GRIK2: variants seen among roughly 807,000 people sequenced by gnomAD.
GRIK2 encodes glutamate receptor ionotropic, kainate 2.
GRIK2 carries 32 observed loss-of-function variants against 100.3 expected under a neutral mutation model. The ratio of observed to expected loss-of-function variants is 0.32; its 90% CI spans 0.24 to 0.43. The LOEUF (loss-of-function observed/expected upper bound fraction) is 0.43. Among genes scored for constraint, GRIK2 ranks in the 20% least tolerant of loss-of-function variants. GRIK2 has a pLI of 1.00. For synonymous variants in GRIK2, 417 were observed against 389.4 expected (o/e 1.07, Z -0.83); for missense variants, 843 against 1,114.9 (o/e 0.76, Z 3.47).
Position 102,069,397 on chromosome 6 carries a change from G to T in GRIK2, c.*886G>T, listed in dbSNP as rs1160782788. 1 of 151,294 alleles carries T rather than the reference G, an allele frequency of 6.6e-6. No individual in the cohort carries two copies. The highest frequency in any genetic ancestry group is 1.5e-5 in the Non-Finnish European group (1 of 67,826). 9.4% of individuals were successfully genotyped at this position (151,294 alleles called of 1,614,324 possible). ...GATAATGTTTTGCAATGTTCAAGTT[G>T]TAAAAACTGGCCGAGTATTGGCTGT... On this transcript the variant is annotated 3_prime_UTR_variant, in exon 17 of 17. Coordinates refer to ENST00000369134, the MANE Select transcript of GRIK2 (RefSeq NM_021956.5).
In GRIK2 at chr6:101,398,261, GT is replaced by G. The variant is rs574720577; in HGVS notation, c.-293-719del. 3.9e-5 allele frequency among the ~76,000 whole-genome samples: 6 copies of G among 152,254 alleles called. No individual in the cohort carries two copies. The East Asian group carries it at 1.2e-3, about 29-fold the overall frequency. On this transcript the variant is annotated intron_variant, in intron 1 of 16. Transcript: ENST00000369134. The stretch of plus-strand genomic sequence containing the variant: ...TTGCTGCACCCATTCAAACATCATT[GT>G]TTTTATATATGCACAATTATTTTCT...
At chr6:101,881,352 A>T (rs1379254303) in intron 11 of GRIK2, among the ~76,000 whole-genome samples, 2 of 151,934 alleles carry the variant, frequency 1.3e-5, no homozygotes, top group African/African-American at 4.8e-5. Context: ...AAAGATGCTA[A>T]TTACTTCAGA....
At chr6:101,567,747 T>C (rs1777346579) in intron 2 of GRIK2, among the ~76,000 whole-genome samples, 1 of 151,996 alleles carries the variant, frequency 6.6e-6, no homozygotes, top group African/African-American at 2.4e-5. Context: ...TGGAAGAGCA[T>C]GGTAGGTTCA....
chr6:101,630,993 C>T (rs1018689034), intron 4 of GRIK2, among the ~76,000 whole-genome samples: 8 of 151,960 alleles, frequency 5.3e-5, no homozygotes, highest in African/African-American at 1.9e-4. Context: ...TTCCCACCCC[C>T]AAAACAGATG....
rs115176122 is a variant in GRIK2 at position 101,675,282 on chromosome 6, C to T, written c.542-1341C>T. 7.7e-3 allele frequency among the ~76,000 whole-genome samples: 1,038 copies of T among 134,888 alleles called. 7 individuals carry two copies. The highest frequency in any genetic ancestry group is 0.025 in the African/African-American group (950 of 38,082). 88.5% of individuals were successfully genotyped at this position (134,888 alleles called of 152,430 possible). Reference sequence around the variant, plus strand: ...CAGACAGTACATGTACGCACACGCGCACGCACACGCAGACACACACACACC... The same window carrying T: ...CAGACAGTACATGTACGCACACGCGTACGCACACGCAGACACACACACACC... On this transcript the variant is annotated intron_variant, in intron 4 of 16. Transcript: ENST00000369134.
chr6:102,039,782 A>G (rs1770469664), intron 15 of GRIK2, among the ~76,000 whole-genome samples: 1 of 151,496 alleles, frequency 6.6e-6, no homozygotes, highest in Admixed American at 6.6e-5. Flanking sequence ...GCCAGTTGGT[A>G]TTATTTTGCT....
At chr6:101,977,238 A>ATGTTATGTTATGTTC (rs1412258194) in intron 14 of GRIK2, among the ~76,000 whole-genome samples, 3 of 78,706 alleles carry the variant, frequency 3.8e-5, no homozygotes, top group Non-Finnish European at 1.0e-4. Context: ...TGGCTATGTT[A>ATGTTATGTTATGTTC]TGTTATGTTA....
chr6:101,794,924 G>T (rs1312649057), intron 7 of GRIK2, among the ~76,000 whole-genome samples: 2 of 148,452 alleles, frequency 1.3e-5, no homozygotes, highest in African/African-American at 5.0e-5. Flanking sequence ...GGAATGCAGT[G>T]GCGCCATCTT....
chr6:101,894,304 C>G (rs1161110063), intron 12 of GRIK2, among the ~76,000 whole-genome samples: 1 of 151,444 alleles, frequency 6.6e-6, no homozygotes, highest in Admixed American at 6.6e-5. Flanking sequence ...TGGTTTTTGT[C>G]TCCATATAGT....
chr6:101,773,395 G>A (rs751041911), intron 7 of GRIK2, among the ~76,000 whole-genome samples: 1 of 150,400 alleles, frequency 6.6e-6, no homozygotes, highest in East Asian at 2.0e-4. Flanking sequence ...CAGGAGAATC[G>A]CTTGAACCCG....
At chr6:101,980,648 A>ATAATAT (rs147498727) in intron 14 of GRIK2, among the ~76,000 whole-genome samples, 1,587 of 151,954 alleles carry the variant, frequency 0.01, 28 homozygotes, top group African/African-American at 0.037. Flanking sequence ...GTATACTTGT[A>ATAATAT]TAATATTAAT....
intron 12 of GRIK2, among the ~76,000 whole-genome samples, chr6:101,923,925 CAAAAAAAAAAAA>C (rs768844963): frequency 4.9e-5 from 3 of 60,772 alleles, no homozygotes; most frequent in Admixed American, 1.9e-4. Context: ...ATTCTGTCTC[CAAAAAAAAAAAA>C]AAAAAAAAAA....
Position 101,682,535 on chromosome 6 carries a change from A to ATT in GRIK2, c.724-8_724-7dup, listed in dbSNP as rs2243352. 6.0e-4 allele frequency: 545 copies of ATT among 904,558 alleles called. 1 individual carries two copies. The highest frequency in any genetic ancestry group is 6.0e-3 in the African/African-American group (356 of 59,404). 56.0% of individuals were successfully genotyped at this position (904,558 alleles called of 1,614,324 possible). On this transcript the variant is annotated splice_polypyrimidine_tract_variant and intron_variant, in intron 5 of 16. Transcript: ENST00000369134. ...TTTCCTGAAATATGTACCTTCAGTA[A>ATT]TTTTTTTTTTTCCTTAGGCATTAGC...
At chr6:101,957,481 A>C (rs1210116574) in intron 14 of GRIK2, among the ~76,000 whole-genome samples, 3 of 150,622 alleles carry the variant, frequency 2.0e-5, no homozygotes, top group African/African-American at 7.3e-5. Context: ...ATTTATTTTT[A>C]TTATTTATTT....
intron 2 of GRIK2, among the ~76,000 whole-genome samples, chr6:101,416,704 T>C (rs1468635495): frequency 6.6e-6 from 1 of 152,188 alleles, no homozygotes; most frequent in Non-Finnish European, 1.5e-5. Context: ...AATAGTGGAT[T>C]TATTTGTTCT....
intron 16 of GRIK2, among the ~76,000 whole-genome samples, chr6:102,056,680 T>C (rs1771476849): frequency 6.6e-6 from 1 of 151,930 alleles, no homozygotes; most frequent in Non-Finnish European, 1.5e-5. Context: ...CTAATATTCT[T>C]TGAAGTGTTT....
intron 16 of GRIK2, among the ~76,000 whole-genome samples, chr6:102,064,413 C>CCTTTCTTT (rs3029035): frequency 0.29 from 40,941 of 140,824 alleles, 6,135 homozygotes; most frequent in Non-Finnish European, 0.33. Context: ...CTCCCTCCCT[C>CCTTTCTTT]CTTTCTTTCT....
At chr6:101,441,364 TAAAC>T (rs979629041) in intron 2 of GRIK2, among the ~76,000 whole-genome samples, 13 of 152,258 alleles carry the variant, frequency 8.5e-5, no homozygotes, top group East Asian at 1.9e-4. Context: ...ACAGTGTAAG[TAAAC>T]AAACAAACAA....
intron 16 of GRIK2, among the ~76,000 whole-genome samples, chr6:102,060,004 AAT>A (rs770333337): frequency 1.2e-4 from 18 of 149,380 alleles, no homozygotes; most frequent in South Asian, 2.1e-4. Context: ...TAAGAAATAA[AAT>A]ATATATATAT....
Sources: gnomAD v4.1 joint callset for allele counts (sites outside exome capture counted in the v4.1 genomes callset) on GRCh38, gnomAD v4.1.1 for gene constraint, MANE v1.5 for transcripts, NCBI Gene and HGNC (gene_info 2026-07-23, HGNC 2026-07-21) for gene names.